HMGCLL1: variants seen among roughly 807,000 people sequenced by gnomAD.
The protein encoded by HMGCLL1 is 3-hydroxymethyl-3-methylglutaryl-CoA lyase, cytoplasmic.
In HMGCLL1, 36 loss-of-function variants were observed where a neutral mutation model predicts 39.1. That is an observed-to-expected ratio of 0.92 (90% CI 0.71 to 1.22). The LOEUF is 1.22. Among genes scored for constraint, HMGCLL1 ranks in the 50% most tolerant of loss-of-function variants. The probability of loss-of-function intolerance (pLI) is 0.00; values close to 1 mark genes in which losing one functional copy is unlikely to be tolerated. For missense variants in HMGCLL1, 451 were observed against 416.5 expected, an observed-to-expected ratio of 1.08 and a Z score of -0.72; for synonymous variants, 149 against 144.0, an observed-to-expected ratio of 1.03 and a Z score of -0.25.
intron 1 of HMGCLL1, among the ~76,000 whole-genome samples, chr6:55,564,592 A>C (rs915103139): frequency 6.6e-6 from 1 of 152,118 alleles, no homozygotes; most frequent in Non-Finnish European, 1.5e-5. Flanking sequence ...TTCCCAACAG[A>C]AGTTATCCAA....
chr6:55,536,585 T>C (rs1258828522), intron 3 of HMGCLL1, among the ~76,000 whole-genome samples: 1 of 152,212 alleles, frequency 6.6e-6, no homozygotes, highest in South Asian at 2.1e-4. Context: ...TCTGCTGCTA[T>C]TGTTCATTCC....
chr6:55,627,812 G>T, the HMGCLL1 span, among the ~76,000 whole-genome samples: 1 of 131,002 alleles, frequency 7.6e-6, no homozygotes, highest in Non-Finnish European at 1.6e-5. Flanking sequence ...GGCTCTCCTT[G>T]CTCCTCAGAT....
intron 3 of HMGCLL1, among the ~76,000 whole-genome samples, chr6:55,539,889 A>G (rs1046685511): frequency 1.4e-5 from 2 of 141,150 alleles, no homozygotes; most frequent in African/African-American, 5.4e-5. Flanking sequence ...AAAGAAAGAA[A>G]GAAAGAAAGA....
chr6:55,490,271 A>AC (rs1766243307), intron 7 of HMGCLL1, among the ~76,000 whole-genome samples: 2 of 152,200 alleles, frequency 1.3e-5, no homozygotes, highest in South Asian at 4.1e-4. Context: ...CCCTGTGCCT[A>AC]CCCTTTTATC....
chr6:55,675,702 C>T, the HMGCLL1 span, among the ~76,000 whole-genome samples: 1 of 152,120 alleles, frequency 6.6e-6, no homozygotes, highest in Non-Finnish European at 1.5e-5. Flanking sequence ...TCTTTGAAAC[C>T]CTTAAAATTC....
the HMGCLL1 span, among the ~76,000 whole-genome samples, chr6:55,632,132 G>A: frequency 6.6e-6 from 1 of 152,086 alleles, no homozygotes; most frequent in Non-Finnish European, 1.5e-5. Context: ...CCAGTGAAAT[G>A]CTAACAACAT....
At chr6:55,535,489 A>C (rs973073639) in intron 3 of HMGCLL1, among the ~76,000 whole-genome samples, 20 of 152,204 alleles carry the variant, frequency 1.3e-4, no homozygotes, top group African/African-American at 4.8e-4. Context: ...GAGTTGGGTC[A>C]TAATATGGTT....
chr6:55,636,381 A>G, the HMGCLL1 span, among the ~76,000 whole-genome samples: 1 of 152,298 alleles, frequency 6.6e-6, no homozygotes, highest in African/African-American at 2.4e-5. Flanking sequence ...AGTAAAATGT[A>G]CAGTAACTTG....
chr6:55,623,815 C>A, the HMGCLL1 span, among the ~76,000 whole-genome samples: 1 of 151,832 alleles, frequency 6.6e-6, no homozygotes, highest in African/African-American at 2.4e-5. Flanking sequence ...ACCATCATAG[C>A]CCTCACTCTA....
At chr6:55,538,835 T>TACAC (rs201267189) in intron 3 of HMGCLL1, among the ~76,000 whole-genome samples, 65 of 149,104 alleles carry the variant, frequency 4.4e-4, no homozygotes, top group Middle Eastern at 3.5e-3. Flanking sequence ...TATATACACA[T>TACAC]ACACACACAC....
chr6:55,441,476 C>T (rs1763595419), intron 7 of HMGCLL1, among the ~76,000 whole-genome samples: 1 of 152,072 alleles, frequency 6.6e-6, no homozygotes, highest in African/African-American at 2.4e-5. Flanking sequence ...AACTAAAGAA[C>T]ACATGTTGGC....
chr6:55,448,339 A>C (rs1289766754), intron 7 of HMGCLL1, among the ~76,000 whole-genome samples: 3 of 149,252 alleles, frequency 2.0e-5, no homozygotes, highest in South Asian at 2.1e-4. Flanking sequence ...TAAATATATA[A>C]ATATATAAAC....
At chr6:55,571,614 G>T (rs1049902297) in intron 1 of HMGCLL1, among the ~76,000 whole-genome samples, 1 of 151,770 alleles carries the variant, frequency 6.6e-6, no homozygotes, top group Admixed American at 6.6e-5. Context: ...GACCATCCTG[G>T]CTAATGCGGT....
At chr6:55,677,322 G>A in the HMGCLL1 span, among the ~76,000 whole-genome samples, 45,578 of 151,850 alleles carry the variant, frequency 0.3, 7,026 homozygotes, top group East Asian at 0.38. Context: ...CCAGGAGTTC[G>A]AGGCTGCAGT....
chr6:55,594,093 C>T, the HMGCLL1 span, among the ~76,000 whole-genome samples: 3 of 152,224 alleles, frequency 2.0e-5, no homozygotes, highest in South Asian at 4.1e-4. Flanking sequence ...AAAATATATT[C>T]GGTCTCAAAA....
At chr6:55,583,572 C>T (rs1389310613), upstream of HMGCLL1, among the ~76,000 whole-genome samples, 1 of 152,098 alleles carries the variant, frequency 6.6e-6, no homozygotes, top group East Asian at 1.9e-4. Context: ...ATATGTGCCA[C>T]ATTTTCTTAA....
the HMGCLL1 span, among the ~76,000 whole-genome samples, chr6:55,647,674 A>C: frequency 6.6e-6 from 1 of 151,594 alleles, no homozygotes; most frequent in South Asian, 2.1e-4. Context: ...GAAACTAATA[A>C]AAATTCTACA....
chr6:55,578,296 T>C (rs1292386749), intron 1 of HMGCLL1, among the ~76,000 whole-genome samples: 1 of 152,130 alleles, frequency 6.6e-6, no homozygotes, highest in South Asian at 2.1e-4. Flanking sequence ...CACCTTTTCT[T>C]TATTTATCTG....
chr6:55,570,781 T>C (rs181811831), intron 1 of HMGCLL1, among the ~76,000 whole-genome samples: 4 of 152,334 alleles, frequency 2.6e-5, no homozygotes, highest in Non-Finnish European at 5.9e-5. Flanking sequence ...CCACAAATAC[T>C]ATATTAGTCC....
Sources: gnomAD v4.1 joint callset for allele counts (sites outside exome capture counted in the v4.1 genomes callset) on GRCh38, gnomAD v4.1.1 for gene constraint, MANE v1.5 for transcripts, NCBI Gene and HGNC (gene_info 2026-07-23, HGNC 2026-07-21) for gene names.